Variants in ATP2C1 observed in about 807,000 individuals in gnomAD.
The protein encoded by ATP2C1 is calcium-transporting ATPase type 2C member 1.
In ATP2C1, 31 loss-of-function variants were observed where a neutral mutation model predicts 120.5. The observed-to-expected ratio is 0.26, with a 90% confidence interval of 0.19 to 0.35. ATP2C1 has a LOEUF of 0.35. Among genes scored for constraint, ATP2C1 ranks in the 10% least tolerant of loss-of-function variants. The pLI is 1.00. For synonymous variants in ATP2C1, 351 were observed against 358.7 expected (o/e 0.98, Z 0.24); for missense variants, 731 against 1,107.5 (o/e 0.66, Z 4.83).
chr3:130,957,587 C>T (rs974435994), intron 11 of ATP2C1, among the ~76,000 whole-genome samples: 1 of 152,108 alleles, frequency 6.6e-6, no homozygotes, highest in South Asian at 2.1e-4. Flanking sequence ...ATTCTTGTTG[C>T]TCAGGCTGAA....
intron 2 of ATP2C1, among the ~76,000 whole-genome samples, chr3:130,909,822 A>C (rs1414417183): frequency 6.6e-6 from 1 of 151,918 alleles, no homozygotes; most frequent in Non-Finnish European, 1.5e-5. Context: ...GTATGTTAGT[A>C]GTTGGTTTTT....
intron 1 of ATP2C1, among the ~76,000 whole-genome samples, chr3:130,853,416 A>G (rs866972835): frequency 2.6e-5 from 4 of 152,332 alleles, no homozygotes; most frequent in South Asian, 4.1e-4. Context: ...TCTGCATGCC[A>G]CTTAAAATCT....
At position 131,003,136 on chromosome 3, in the gene ATP2C1, G is replaced by C; in HGVS notation, c.*1786G>C. 1.0e-6 allele frequency: 1 copy of C among 982,424 alleles called. No individual in the cohort carries two copies. Among genetic ancestry groups the C allele is most frequent in the Non-Finnish European group, 1.2e-6 (1 of 826,854 alleles). The allele number at this position is 982,424 out of a possible 1,614,324, so 60.9% of individuals were successfully genotyped here. ...TGCTTTGTACTATAAAAATAAAAAT[G>C]ATTTCTTAAGTTAATGACATCCCAG... On this transcript the variant is annotated 3_prime_UTR_variant, in exon 28 of 28. Coordinates refer to ENST00000510168, the MANE Select transcript of ATP2C1 (RefSeq NM_001378687.1).
At chr3:130,951,737 CAATT>C (rs1457070453) in intron 8 of ATP2C1, among the ~76,000 whole-genome samples, 3 of 152,038 alleles carry the variant, frequency 2.0e-5, no homozygotes, top group African/African-American at 7.2e-5. Context: ...TTTGTATACA[CAATT>C]AATGTTAAAT....
chr3:130,879,260 C>T (rs369321967), intron 1 of ATP2C1, among the ~76,000 whole-genome samples: 68 of 152,122 alleles, frequency 4.5e-4, no homozygotes, highest in Non-Finnish European at 7.8e-4. Flanking sequence ...ATAGAGGCAG[C>T]GTTTCTCCAT....
intron 2 of ATP2C1, among the ~76,000 whole-genome samples, chr3:130,896,087 A>G (rs894357227): frequency 6.6e-6 from 1 of 152,242 alleles, no homozygotes; most frequent in African/African-American, 2.4e-5. Context: ...AGAATGTTAA[A>G]TGCATTCATA....
intron 6 of ATP2C1, among the ~76,000 whole-genome samples, chr3:130,940,180 A>G (rs554499560): frequency 6.6e-6 from 1 of 152,338 alleles, no homozygotes; most frequent in East Asian, 1.9e-4. Context: ...TGTTTGTTCT[A>G]ATGGTTTACT....
chr3:130,989,594 A>G (rs1371428763), intron 20 of ATP2C1, among the ~76,000 whole-genome samples: 3 of 151,554 alleles, frequency 2.0e-5, no homozygotes, highest in African/African-American at 2.4e-5. Context: ...CACAAACCCT[A>G]AAGAACATTG....
intron 20 of ATP2C1, among the ~76,000 whole-genome samples, chr3:130,990,188 C>T (rs1428051262): frequency 2.0e-5 from 3 of 150,782 alleles, no homozygotes; most frequent in Non-Finnish European, 3.0e-5. Flanking sequence ...CTTTATAGAG[C>T]GCTGTTGGTA....
intron 20 of ATP2C1, among the ~76,000 whole-genome samples, chr3:130,991,150 G>C (rs573638756): frequency 6.6e-6 from 1 of 152,232 alleles, no homozygotes; most frequent in South Asian, 2.1e-4. Context: ...GCATCAAGAG[G>C]GATCAGGAGA....
At chr3:130,976,622 G>A (rs770527168) in intron 18 of ATP2C1, among the ~76,000 whole-genome samples, 2 of 152,130 alleles carry the variant, frequency 1.3e-5, no homozygotes, top group Non-Finnish European at 2.9e-5. Flanking sequence ...TAATGTAAGA[G>A]GCTTTGATGA....
chr3:130,954,969 A>C (rs553645144), intron 9 of ATP2C1, 43 bp from the exon 10 acceptor site: 50 of 1,452,574 alleles, frequency 3.4e-5, no homozygotes, highest in Non-Finnish European at 4.4e-5. Context: ...TTTGGTTTAC[A>C]TTTCATCTGG....
chr3:130,967,889 G>T (rs779453307), intron 16 of ATP2C1, among the ~76,000 whole-genome samples: 12 of 152,038 alleles, frequency 7.9e-5, no homozygotes, highest in Non-Finnish European at 1.5e-4. Flanking sequence ...GTTATAATTT[G>T]TTTTGGGGAG....
intron 1 of ATP2C1, among the ~76,000 whole-genome samples, chr3:130,876,307 T>C (rs1304390767): frequency 6.6e-6 from 1 of 152,140 alleles, no homozygotes; most frequent in African/African-American, 2.4e-5. Flanking sequence ...TTATATATGC[T>C]GAGAGTTAGG....
intron 1 of ATP2C1, among the ~76,000 whole-genome samples, chr3:130,862,136 G>A (rs1283461944): frequency 6.7e-6 from 1 of 149,612 alleles, no homozygotes; most frequent in African/African-American, 2.4e-5. Context: ...ACCATGCCTG[G>A]CTAATTTTTT....
At chr3:130,984,624 A>G (rs531491101) in intron 20 of ATP2C1, among the ~76,000 whole-genome samples, 2 of 152,318 alleles carry the variant, frequency 1.3e-5, no homozygotes, top group East Asian at 1.9e-4. Context: ...GAGAGAGCCA[A>G]TCATAGTCCT....
chr3:130,937,954 A>G (rs2059740752), intron 6 of ATP2C1, among the ~76,000 whole-genome samples: 1 of 152,216 alleles, frequency 6.6e-6, no homozygotes, highest in African/African-American at 2.4e-5. Flanking sequence ...GCCAAATGCT[A>G]CACTTGTTTG....
chr3:130,894,188 C>T lies in ATP2C1; in HGVS notation c.-330C>T, dbSNP rs1448159025. The T allele has an allele frequency of 1.0e-6, 1 of 968,676 alleles. No homozygotes were observed. The highest frequency in any genetic ancestry group is 1.8e-5 in the African/African-American group (1 of 56,702). The allele number at this position is 968,676 out of a possible 1,614,324, so 60.0% of individuals were successfully genotyped here. A position where few individuals can be genotyped will look rare whatever the true frequency, so the allele number is the denominator to read the frequency against. The stretch of plus-strand genomic sequence containing the variant: ...GCCCTCTCTCCCTCCCTTCCTCCCT[C>T]CCGCTCGCTTCTTCTCACGCCGGGA... On this transcript the variant is annotated 5_prime_UTR_variant, in exon 1 of 28. Coordinates refer to ENST00000510168, the MANE Select transcript of ATP2C1 (RefSeq NM_001378687.1). This position sits in a 1 kb window ranked among gnomAD's most constrained non-coding sequence, Gnocchi z 4.5.
intron 2 of ATP2C1, among the ~76,000 whole-genome samples, chr3:130,914,848 A>G (rs1429364799): frequency 6.6e-6 from 1 of 152,228 alleles, no homozygotes; most frequent in Non-Finnish European, 1.5e-5. Context: ...CATGGGGAAC[A>G]TAGATTTCAA....
Sources: gnomAD v4.1 joint callset for allele counts (sites outside exome capture counted in the v4.1 genomes callset) on GRCh38, gnomAD v4.1.1 for gene constraint, Gnocchi (gnomAD v3.1) non-coding constraint, MANE v1.5 for transcripts, NCBI Gene and HGNC (gene_info 2026-07-23, HGNC 2026-07-21) for gene names.